The following PACRG variants were observed in gnomAD, a reference collection of about 807,000 sequenced individuals.
PACRG encodes parkin coregulated.
Under a neutral mutation model 29.7 loss-of-function variants are expected in PACRG, and 29 were observed. The observed-to-expected ratio is 0.98, with a 90% CI of 0.73 to 1.33. The LOEUF is 1.33. Ranked by LOEUF, PACRG falls within the 40% of genes most tolerant of loss-of-function variation. The pLI, the probability that PACRG is intolerant of heterozygous loss-of-function variation, is 0.00. For synonymous variants in PACRG, 116 were observed against 118.7 expected (o/e 0.98, Z 0.15); for missense variants, 279 against 316.2 (o/e 0.88, Z 0.89).
chr6:162,803,405 G>A (rs186314228), intron 1 of PACRG, among the ~76,000 whole-genome samples: 1 of 152,176 alleles, frequency 6.6e-6, no homozygotes, highest in Non-Finnish European at 1.5e-5. Context: ...GTGTGTCAAT[G>A]GGAAATCATT....
intron 2 of PACRG, among the ~76,000 whole-genome samples, chr6:162,973,841 G>A (rs1477042401): frequency 6.6e-6 from 1 of 152,080 alleles, no homozygotes; most frequent in Non-Finnish European, 1.5e-5. Flanking sequence ...AACTATGGGG[G>A]TCCTATTATT....
In PACRG at chr6:163,312,431, C is replaced by G. The variant is rs7744434; in HGVS notation, c.614-2396C>G. On this transcript the variant is annotated intron_variant, in intron 4 of 4. Coordinates refer to ENST00000366888, the MANE Select transcript of PACRG (RefSeq NM_001080379.2). The stretch of plus-strand genomic sequence containing the variant: ...TAACATCTTTTCTTTACACCTGTAG[C>G]AAATGTCAACAACGCCTCCTCCCAA... Among the ~76,000 whole-genome samples the G allele has an allele frequency of 1.1e-3, 160 of 152,226 alleles. 2 individuals are homozygous for G. The highest frequency in any genetic ancestry group is 3.6e-3 in the African/African-American group (151 of 41,534).
rs573907221 is a variant in PACRG at position 163,240,015 on chromosome 6, CACAT to C, written c.614-74808_614-74805del. 6.0e-5 allele frequency among the ~76,000 whole-genome samples: 9 copies of C among 150,538 alleles called. No homozygotes were observed. In the South Asian group the frequency reaches 1.9e-3, roughly 32 times the overall value. On this transcript the variant is annotated intron_variant, in intron 4 of 4. Coordinates refer to ENST00000366888, the MANE Select transcript of PACRG (RefSeq NM_001080379.2). ...ACACTCACACCCCCATGCCCACATA[CACAT>C]ACACACACCCTCACCCCTACTTCTA... is the stretch of plus-strand genomic sequence containing the variant.
rs140475787 is a variant in PACRG, at chr6:163,069,469, AG to A, written c.463+7149del. ...ATTTAACAAACAGATCCAAACAAAA[AG>A]AACCAAGCAGAAATTTTGGAGTTGA... On this transcript the variant is annotated intron_variant, in intron 3 of 4. Coordinates refer to ENST00000366888, the MANE Select transcript of PACRG (RefSeq NM_001080379.2). 3.6e-3 allele frequency among the ~76,000 whole-genome samples: 549 copies of A among 152,270 alleles called. 7 individuals carry two copies. Among genetic ancestry groups the A allele is most frequent in the African/African-American group, 0.013 (531 of 41,564 alleles).
rs1335882022 is a variant in PACRG, at chr6:162,777,612, C to T, written c.157-36535C>T. Among the ~76,000 whole-genome samples, 1 of 151,996 alleles carries T rather than the reference C, an allele frequency of 6.6e-6. No homozygotes were observed. Among genetic ancestry groups the T allele is most frequent in the Non-Finnish European group, 1.5e-5 (1 of 68,008 alleles). ...ATCCTCAAGTTCTAGGTAAAATTGC[C>T]AAAGTAGACTCCTTTGAGTTTTGGG... On this transcript the variant is annotated intron_variant, in intron 1 of 4. Transcript: ENST00000366888. This position sits in a 1 kb window ranked among gnomAD's most constrained non-coding sequence, Gnocchi z 4.0.
chr6:163,004,728 A>ATATATATG (rs1309754796), intron 2 of PACRG, among the ~76,000 whole-genome samples: 1 of 75,726 alleles, frequency 1.3e-5, no homozygotes, highest in East Asian at 6.4e-4. Flanking sequence ...GTGTGTGTGT[A>ATATATATG]TATATATATA....
chr6:162,978,983 A>G (rs1245603666), intron 2 of PACRG, among the ~76,000 whole-genome samples: 1 of 152,156 alleles, frequency 6.6e-6, no homozygotes, highest in East Asian at 1.9e-4. Context: ...GGTTTGCTGA[A>G]TCCCTGTTCT....
At chr6:163,251,136 G>C (rs535405890) in intron 4 of PACRG, among the ~76,000 whole-genome samples, 1 of 152,064 alleles carries the variant, frequency 6.6e-6, no homozygotes, top group Non-Finnish European at 1.5e-5. Flanking sequence ...TCAGGGATAA[G>C]AGAATACATG....
chr6:163,150,122 G>T (rs1778018190), intron 4 of PACRG, among the ~76,000 whole-genome samples: 1 of 152,208 alleles, frequency 6.6e-6, no homozygotes, highest in African/African-American at 2.4e-5. Flanking sequence ...CGCCGGAGTG[G>T]CCTCTACCTC....
chr6:162,973,532 A>G (rs1290996256), intron 2 of PACRG, among the ~76,000 whole-genome samples: 2 of 152,110 alleles, frequency 1.3e-5, no homozygotes, highest in African/African-American at 4.8e-5. Context: ...AAGCAAGGCA[A>G]TTCTTTTACT....
At chr6:162,874,003 G>A (rs935391902) in intron 2 of PACRG, among the ~76,000 whole-genome samples, 2 of 151,966 alleles carry the variant, frequency 1.3e-5, no homozygotes, top group Admixed American at 6.6e-5. Context: ...GCTTCTGATT[G>A]TGCACTTCCA....
At chr6:162,934,624 A>C (rs1798105119) in intron 2 of PACRG, among the ~76,000 whole-genome samples, 1 of 151,930 alleles carries the variant, frequency 6.6e-6, no homozygotes, top group Admixed American at 6.6e-5. Context: ...CATTTTGCTA[A>C]TTGTTTTCTG....
At chr6:162,731,325 C>T (rs1779751748) in intron 1 of PACRG, among the ~76,000 whole-genome samples, 2 of 152,008 alleles carry the variant, frequency 1.3e-5, no homozygotes. Flanking sequence ...ATTCTGCCTC[C>T]ATGGATTCAA....
Position 163,181,778 on chromosome 6 carries a change from G to A in PACRG, c.613+92370G>A, listed in dbSNP as rs546095337. Reference sequence around the variant, plus strand: ...TACTATAAATGTGTTTTAACTCACGGGGAAAAAGTCCAGCATACCGTAAAA... The same window carrying A: ...TACTATAAATGTGTTTTAACTCACGAGGAAAAAGTCCAGCATACCGTAAAA... On this transcript the variant is annotated intron_variant, in intron 4 of 4. Coordinates refer to ENST00000366888, the MANE Select transcript of PACRG (RefSeq NM_001080379.2). 6.6e-5 allele frequency among the ~76,000 whole-genome samples: 10 copies of A among 152,144 alleles called. No individual in the cohort carries two copies. In the South Asian group the frequency reaches 2.1e-3, roughly 32 times the overall value.
At chr6:162,729,182 C>G (rs955249505) in intron 1 of PACRG, among the ~76,000 whole-genome samples, 2 of 152,114 alleles carry the variant, frequency 1.3e-5, no homozygotes, top group Non-Finnish European at 2.9e-5. Context: ...TAGCTTTACA[C>G]TTGGTATGCT....
At chr6:163,063,790 G>C (rs1478897717) in intron 3 of PACRG, among the ~76,000 whole-genome samples, 1 of 152,150 alleles carries the variant, frequency 6.6e-6, no homozygotes. Context: ...ACTCTGAAAA[G>C]GGGCTTATTA....
Position 162,807,696 on chromosome 6 carries a change from A to G in PACRG, c.157-6451A>G, listed in dbSNP as rs574653910. On this transcript the variant is annotated intron_variant, in intron 1 of 4. Transcript: ENST00000366888. ...ACCATAACAGATATAATAATGATGA[A>G]AAATTGAAATAGTACCAGGATTACC... Among the ~76,000 whole-genome samples the G allele has an allele frequency of 2.6e-5, 4 of 152,314 alleles. No homozygotes were observed. The South Asian group carries it at 8.3e-4, about 32-fold the overall frequency.
intron 2 of PACRG, among the ~76,000 whole-genome samples, chr6:162,928,117 T>C (rs1797585959): frequency 6.6e-6 from 1 of 152,038 alleles, no homozygotes; most frequent in African/African-American, 2.4e-5. Context: ...TTTTTAAAAG[T>C]TCGGTAGAAT....
intron 4 of PACRG, chr6:163,101,515 A>G (rs927961501): frequency 2.9e-6 from 2 of 695,784 alleles, no homozygotes; most frequent in African/African-American, 2.0e-5. Context: ...TGTCCTTCCA[A>G]AGTTTCTTAC....
Sources: allele counts gnomAD v4.1 joint callset (sites outside exome capture counted in the v4.1 genomes callset), GRCh38; gene constraint gnomAD v4.1.1; non-coding constraint Gnocchi (gnomAD v3.1); transcripts MANE v1.5; gene names NCBI Gene and HGNC (gene_info 2026-07-23, HGNC 2026-07-21).